AKAP12: variants seen among roughly 807,000 people sequenced by gnomAD.
AKAP12 encodes the protein A-kinase anchor protein 12.
In AKAP12, 32 loss-of-function variants were observed where a neutral mutation model predicts 79.9. The ratio of observed to expected loss-of-function variants is 0.40; its 90% CI spans 0.30 to 0.54. The LOEUF (loss-of-function observed/expected upper bound fraction) is 0.54. Ranked by LOEUF, AKAP12 falls within the 20% of genes least tolerant of loss-of-function variation. AKAP12 has a pLI of 0.48. For synonymous variants in AKAP12, 808 were observed against 857.0 expected (o/e 0.94, Z 1.00); for missense variants, 2,074 against 2,177.0 (o/e 0.95, Z 0.94).
intron 3 of AKAP12, among the ~76,000 whole-genome samples, chr6:151,315,836 AAC>A (rs1449794986): frequency 2.1e-5 from 3 of 141,318 alleles, no homozygotes; most frequent in African/African-American, 8.2e-5. Context: ...AGGGGAAGCA[AAC>A]ACATCCTTCT....
At position 151,306,376 on chromosome 6, in the gene AKAP12, T is replaced by C. The variant is rs796257896; in HGVS notation, c.319+473T>C. On this transcript the variant is annotated intron_variant, in intron 3 of 4. Coordinates refer to ENST00000402676, the MANE Select transcript of AKAP12 (RefSeq NM_005100.4). ...AGGAATGGTTATTGAAGAGTGACCG[T>C]TTGGACACAGTATTGGGATTTGATT... Among the ~76,000 whole-genome samples, 5 of 152,120 alleles carry C rather than the reference T, an allele frequency of 3.3e-5. No individual in the cohort carries two copies. The East Asian group carries it at 7.7e-4, about 24-fold the overall frequency.
chr6:151,303,774 A>C (rs1350944970), intron 2 of AKAP12, among the ~76,000 whole-genome samples: 1 of 152,196 alleles, frequency 6.6e-6, no homozygotes, highest in African/African-American at 2.4e-5. Flanking sequence ...CCTTCAAAGC[A>C]TGGCACGTAT....
intron 2 of AKAP12, among the ~76,000 whole-genome samples, chr6:151,255,510 G>C (rs530974068): frequency 5.2e-4 from 78 of 151,174 alleles, no homozygotes; most frequent in Non-Finnish European, 9.6e-4. Flanking sequence ...AATAAAAATT[G>C]TTTAGAGTCA....
intron 3 of AKAP12, among the ~76,000 whole-genome samples, chr6:151,317,981 C>G (rs1777273583): frequency 6.6e-6 from 1 of 152,218 alleles, no homozygotes; most frequent in Non-Finnish European, 1.5e-5. Flanking sequence ...CAAGCAGCCT[C>G]CTGCCAAGCC....
chr6:151,345,297 G>C (rs1223312263), intron 3 of AKAP12, among the ~76,000 whole-genome samples: 2 of 150,908 alleles, frequency 1.3e-5, no homozygotes, highest in Non-Finnish European at 3.0e-5. Context: ...GGATGGTCTC[G>C]ATCTCCTGAC....
At chr6:151,277,632 A>C (rs952389340) in intron 2 of AKAP12, among the ~76,000 whole-genome samples, 2 of 152,264 alleles carry the variant, frequency 1.3e-5, no homozygotes, top group African/African-American at 2.4e-5. Context: ...ACCTGCAAGC[A>C]GACTCTTGCC....
At chr6:151,333,075 G>C (rs972189999) in intron 3 of AKAP12, among the ~76,000 whole-genome samples, 1 of 152,172 alleles carries the variant, frequency 6.6e-6, no homozygotes, top group Non-Finnish European at 1.5e-5. Context: ...CAAAGATGGA[G>C]CTTTTTGGTT....
At chr6:151,334,518 C>A (rs6933524) in intron 3 of AKAP12, among the ~76,000 whole-genome samples, 59,560 of 151,254 alleles carry the variant, frequency 0.39, 13,581 homozygotes, top group African/African-American at 0.64. Flanking sequence ...TCGCTGGAAC[C>A]CTGGAGGCAG....
In AKAP12 at chr6:151,353,159, G is replaced by T. The variant is rs1162286844; in HGVS notation, c.4768G>T (p.Ala1590Ser). 17 of 1,614,062 alleles carry T rather than the reference G, an allele frequency of 1.1e-5. No individual in the cohort carries two copies. The highest frequency in any genetic ancestry group is 2.2e-5 in the East Asian group (1 of 44,898). The stretch of plus-strand genomic sequence containing the variant: ...CGTGATAAAAGCTGACAGCCAGGAC[G>T]CTGGACAGGAAACGGAGAAAGAAGG... ...AHVIKADSQD[A>S]GQETEKEGEE... The change falls in exon 4 of 5, where the codon GCT (alanine) becomes TCT (serine). Residue 1590 changes from alanine (A) to serine (S), a missense_variant. Physicochemically the swap from Ala to Ser is moderately conservative, Grantham distance 99. This residue lies in a region of AKAP12 where 614 missense variants were observed against 665.6 expected (regional missense o/e 0.92). Transcript: ENST00000402676.
chr6:151,318,005 G>A (rs565369159), intron 3 of AKAP12, among the ~76,000 whole-genome samples: 16 of 152,326 alleles, frequency 1.1e-4, no homozygotes, highest in Admixed American at 3.9e-4. Flanking sequence ...TGACCTCACC[G>A]TGTAAGCTTA....
intron 3 of AKAP12, among the ~76,000 whole-genome samples, chr6:151,321,903 GTTTTTTTTTT>G (rs11415941): frequency 4.5e-5 from 3 of 67,358 alleles, no homozygotes; most frequent in African/African-American, 6.2e-5. Flanking sequence ...TCAGCTTTAT[GTTTTTTTTTT>G]TTTTTTTTTT....
chr6:151,268,062 T>C (rs1443464157), intron 2 of AKAP12, among the ~76,000 whole-genome samples: 1 of 152,122 alleles, frequency 6.6e-6, no homozygotes, highest in African/African-American at 2.4e-5. Flanking sequence ...CCATTTTATC[T>C]TTTCCTTCTA....
intron 2 of AKAP12, among the ~76,000 whole-genome samples, chr6:151,275,991 A>G (rs1032936976): frequency 1.3e-5 from 2 of 152,254 alleles, no homozygotes; most frequent in African/African-American, 4.8e-5. Context: ...AATCGCTGGT[A>G]AATAAAAATT....
chr6:151,304,511 A>G (rs1776933694), intron 2 of AKAP12, among the ~76,000 whole-genome samples: 1 of 132,352 alleles, frequency 7.6e-6, no homozygotes, highest in Admixed American at 7.3e-5. Context: ...AAAAAAAAAA[A>G]AAAAAAAAGG....
intron 3 of AKAP12, chr6:151,325,417 C>G: frequency 1.0e-6 from 1 of 985,444 alleles, no homozygotes; most frequent in Non-Finnish European, 1.2e-6. Flanking sequence ...GCTCCAGCAT[C>G]GAACTCATGC....
At chr6:151,328,327 C>CAAA (rs10686442) in intron 3 of AKAP12, among the ~76,000 whole-genome samples, 18,651 of 104,654 alleles carry the variant, frequency 0.18, 2,077 homozygotes, top group African/African-American at 0.36. Flanking sequence ...GACTCCATCT[C>CAAA]AAAAAAAAAA....
Position 151,352,327 on chromosome 6 carries a change from T to C in AKAP12, c.3936T>C (p.Ala1312=). 6.2e-7 allele frequency: 1 copy of C among 1,614,036 alleles called. No homozygotes were observed. Among genetic ancestry groups the C allele is most frequent in the Admixed American group, 1.7e-5 (1 of 60,000 alleles). Residue 1312 remains alanine, a synonymous_variant, in exon 4 of 5, where the codon GCT becomes GCC. Coordinates refer to ENST00000402676, the MANE Select transcript of AKAP12 (RefSeq NM_005100.4). ...VALKGEGTEE[A]ECKKDDALEL... The stretch of plus-strand genomic sequence containing the variant: ...TTAAAGGTGAAGGGACAGAAGAAGC[T>C]GAATGTAAAAAGGATGATGCTCTTG...
At chr6:151,284,056 A>C (rs1403080573) in intron 2 of AKAP12, among the ~76,000 whole-genome samples, 2 of 152,170 alleles carry the variant, frequency 1.3e-5, no homozygotes, top group Non-Finnish European at 2.9e-5. Context: ...GCAAGTCTTA[A>C]GCGTATAGCT....
At chr6:151,274,115 A>G (rs1776245831) in intron 2 of AKAP12, among the ~76,000 whole-genome samples, 1 of 144,246 alleles carries the variant, frequency 6.9e-6, no homozygotes, top group African/African-American at 2.5e-5. Context: ...TCTTTTGCCC[A>G]GGGTGGAGGG....
Sources: allele counts gnomAD v4.1 joint callset (sites outside exome capture counted in the v4.1 genomes callset), GRCh38; gene constraint gnomAD v4.1.1; regional missense constraint gnomAD v4.1.1; transcripts MANE v1.5; gene names NCBI Gene and HGNC (gene_info 2026-07-23, HGNC 2026-07-21).